ZBTB24: variants seen among roughly 807,000 people sequenced by gnomAD.
The protein encoded by ZBTB24 is zinc finger and BTB domain-containing protein 24.
Under a neutral mutation model 53.8 loss-of-function variants are expected in ZBTB24, and 32 were observed. That is an observed-to-expected ratio of 0.60 (90% CI 0.45 to 0.80). The LOEUF (loss-of-function observed/expected upper bound fraction) is 0.80. ZBTB24 is among the 30% of genes least tolerant of loss of function. The pLI is 0.00. For missense variants in ZBTB24, 722 were observed against 837.1 expected, an observed-to-expected ratio of 0.86 and a Z score of 1.70; for synonymous variants, 297 against 306.7, an observed-to-expected ratio of 0.97 and a Z score of 0.33.
At chr6:109,467,994 C>T (rs1331106966) in intron 5 of ZBTB24, among the ~76,000 whole-genome samples, 1 of 152,090 alleles carries the variant, frequency 6.6e-6, no homozygotes, top group Non-Finnish European at 1.5e-5. Context: ...AAAACTGCAA[C>T]AAGGAAGTGA....
chr6:109,470,031 T>C (rs1776133325), intron 5 of ZBTB24, among the ~76,000 whole-genome samples: 1 of 152,002 alleles, frequency 6.6e-6, no homozygotes, highest in African/African-American at 2.4e-5. Context: ...CTGGGAATGA[T>C]GAGGAGGGTG....
At position 109,476,800 on chromosome 6, in the gene ZBTB24, G is replaced by A. The variant is rs773260577; in HGVS notation, c.1083C>T (p.Thr361=). Residue 361 remains threonine (T), a synonymous_variant, in exon 3 of 7, where the codon ACC becomes ACT. Coordinates refer to ENST00000230122, the MANE Select transcript of ZBTB24 (RefSeq NM_014797.3). ...TCATGTGCTCCAGCAGTGAGTGCTT[G>A]GTGGTCAGAGCCTTGCTGCACACGG... is the stretch of plus-strand genomic sequence containing the variant. The part of the protein sequence containing the change: ...TCTVCSKALT[T]KHSLLEHMSL... 1.2e-6 allele frequency: 2 copies of A among 1,613,914 alleles called. No homozygotes were observed. The highest frequency in any genetic ancestry group is 1.7e-6 in the Non-Finnish European group (2 of 1,179,978).
chr6:109,477,004 AC>A, intron 2 of ZBTB24, 74 bp from the exon 3 acceptor site: 2 of 1,555,496 alleles, frequency 1.3e-6, no homozygotes, highest in African/African-American at 1.4e-5. Context: ...AATTAAAAAA[AC>A]AATAAAGGAT....
chr6:109,481,138 T>C lies in ZBTB24; in HGVS notation c.889A>G (p.Lys297Glu), dbSNP rs2115366344. ...KRPGGPEARC[K>E]DCGKVFKYNH... ...TACTTAAAGACCTTGCCACAGTCTT[T>C]ACAGCGGGCCTCAGGGCCTCCAGGG... Residue 297 changes from lysine to glutamate, a missense_variant, in exon 2 of 7, where the codon AAA (lysine) becomes GAA (glutamate). Transcript: ENST00000230122. 1.9e-6 allele frequency: 3 copies of C among 1,614,260 alleles called. No individual in the cohort carries two copies. The highest frequency in any genetic ancestry group is 2.5e-6 in the Non-Finnish European group (3 of 1,180,038).
chr6:109,468,517 T>C (rs1226507478), intron 5 of ZBTB24, among the ~76,000 whole-genome samples: 3 of 152,112 alleles, frequency 2.0e-5, no homozygotes, highest in Non-Finnish European at 4.4e-5. Context: ...CACATGTTAT[T>C]TTATCAGTGA....
At chr6:109,466,697 G>T in intron 6 of ZBTB24, 123 bp from the exon 7 acceptor site, 2 of 1,301,094 alleles carry the variant, frequency 1.5e-6, no homozygotes, top group Admixed American at 2.2e-5. Flanking sequence ...TAAGTCATGG[G>T]TTCACCTACT....
rs572068699 is a variant in ZBTB24 at position 109,483,117 on chromosome 6, C to G, written c.-48G>C. 5 of 152,214 alleles carry G rather than the reference C, an allele frequency of 3.3e-5. No individual in the cohort carries two copies. The East Asian group carries it at 9.7e-4, about 30-fold the overall frequency. 9.4% of individuals were successfully genotyped at this position (152,214 alleles called of 1,614,324 possible). A position where few individuals can be genotyped will look rare whatever the true frequency, so the allele number is the denominator to read the frequency against. ...ACTCACCCGGCGGCCTGGCGGGAGA[C>G]CCACGCCGGGGCCCGCTGGCCCTCC... On this transcript the variant is annotated 5_prime_UTR_variant, in exon 1 of 7. Transcript: ENST00000230122.
chr6:109,480,979 C>T (rs1776392724), intron 2 of ZBTB24, 96 bp downstream of exon 2: 3 of 1,557,830 alleles, frequency 1.9e-6, no homozygotes, highest in Middle Eastern at 1.7e-4. Flanking sequence ...TTACAATGCC[C>T]ATCACACAGA....
Position 109,466,534 on chromosome 6 carries a change from A to C in ZBTB24, c.1411T>G (p.Phe471Val), listed in dbSNP as rs1453422375. The C allele has an allele frequency of 6.2e-7, 1 of 1,613,478 alleles. No homozygotes were observed. Among genetic ancestry groups the C allele is most frequent in the Non-Finnish European group, 8.5e-7 (1 of 1,180,052 alleles). The change falls in exon 7 of 7, where the codon TTC becomes GTC. Residue 471 changes from phenylalanine (F) to valine (V), a missense_variant. Physicochemically the swap from Phe to Val is conservative, Grantham distance 50. Transcript: ENST00000230122. ...PYSCGICGKS[F>V]SDSSAKRRHC... Reference sequence around the variant, plus strand: ...CTCCTTTTGGCACTGGAGTCAGAGAAGGATTTGCCACAAATGCCACAGGAG... The same window carrying C: ...CTCCTTTTGGCACTGGAGTCAGAGACGGATTTGCCACAAATGCCACAGGAG...
At chr6:109,479,946 A>G (rs906151220) in intron 2 of ZBTB24, among the ~76,000 whole-genome samples, 1 of 151,394 alleles carries the variant, frequency 6.6e-6, no homozygotes, top group African/African-American at 2.4e-5. Context: ...AAAAAAAGCT[A>G]AAATATAACC....
rs1010953587 is a variant in ZBTB24, at chr6:109,464,251, A to G, written c.*1600T>C. ...TCATTTTGGAAGTTTTGTGAATTACATATAATAAAATATAGCTTAGCAAAT... is the reference window on the plus strand; with the variant it reads ...TCATTTTGGAAGTTTTGTGAATTACGTATAATAAAATATAGCTTAGCAAAT... On this transcript the variant is annotated 3_prime_UTR_variant, in exon 7 of 7. Coordinates refer to ENST00000230122, the MANE Select transcript of ZBTB24 (RefSeq NM_014797.3). 6.6e-6 allele frequency: 1 copy of G among 152,238 alleles called. No individual in the cohort carries two copies. The highest frequency in any genetic ancestry group is 6.5e-5 in the Admixed American group (1 of 15,284). 9.4% of individuals were successfully genotyped at this position (152,238 alleles called of 1,614,324 possible). A position where few individuals can be genotyped will look rare whatever the true frequency, so the allele number is the denominator to read the frequency against.
chr6:109,474,658 C>T (rs547034982), intron 5 of ZBTB24, among the ~76,000 whole-genome samples: 14 of 151,474 alleles, frequency 9.2e-5, no homozygotes, highest in African/African-American at 2.7e-4. Context: ...CACTTGAACC[C>T]GGGAGGCAGA....
chr6:109,472,237 C>A (rs1214843850), intron 5 of ZBTB24, among the ~76,000 whole-genome samples: 1 of 152,122 alleles, frequency 6.6e-6, no homozygotes, highest in Non-Finnish European at 1.5e-5. Context: ...ATGCTAGGGA[C>A]AGATGGGTCA....
intron 5 of ZBTB24, among the ~76,000 whole-genome samples, chr6:109,470,178 G>A (rs1192424514): frequency 6.6e-6 from 1 of 152,162 alleles, no homozygotes; most frequent in Admixed American, 6.5e-5. Context: ...TGTTACAAGA[G>A]GATTAGACAA....
Position 109,481,905 on chromosome 6 carries a change from A to G in ZBTB24, c.122T>C (p.Leu41Ser), listed in dbSNP as rs770845096. Residue 41 changes from leucine to serine, a missense_variant, in exon 2 of 7, where the codon TTA becomes TCA. Leu to Ser is a moderately radical substitution (Grantham distance 145, BLOSUM62 -2). Coordinates refer to ENST00000230122, the MANE Select transcript of ZBTB24 (RefSeq NM_014797.3). ...RKKGFLCDIT[L>S]IVENVHFRAH... ...CCGGAAATGTACATTCTCCACGATT[A>G]AAGTAATGTCACAGAGGAAGCCTTT... The G allele has an allele frequency of 6.2e-7, 1 of 1,614,200 alleles. No individual in the cohort carries two copies. Among genetic ancestry groups the G allele is most frequent in the Non-Finnish European group, 8.5e-7 (1 of 1,180,032 alleles).
chr6:109,481,032 C>G (rs769842489), intron 2 of ZBTB24, 43 bp downstream of exon 2: 3 of 1,606,444 alleles, frequency 1.9e-6, no homozygotes, highest in Non-Finnish European at 2.6e-6. Context: ...TCACTACTCC[C>G]AATTCTGCAA....
chr6:109,475,344 T>G, intron 5 of ZBTB24, 55 bp downstream of exon 5: 1 of 1,604,720 alleles, frequency 6.2e-7, no homozygotes, highest in South Asian at 1.1e-5. Flanking sequence ...ACTTCATTCT[T>G]CACTCTCCTG....
At chr6:109,478,863 G>A (rs1471940839) in intron 2 of ZBTB24, among the ~76,000 whole-genome samples, 2 of 151,574 alleles carry the variant, frequency 1.3e-5, no homozygotes, top group African/African-American at 4.9e-5. Context: ...CTCCAGTGAG[G>A]AAAATGTTGT....
intron 5 of ZBTB24, among the ~76,000 whole-genome samples, chr6:109,470,426 A>T (rs1477529689): frequency 2.6e-5 from 4 of 152,110 alleles, no homozygotes; most frequent in African/African-American, 9.7e-5. Flanking sequence ...ACCCTTCCCC[A>T]GTGACTTAAA....
Sources: gnomAD v4.1 joint callset for allele counts (sites outside exome capture counted in the v4.1 genomes callset) on GRCh38, gnomAD v4.1.1 for gene constraint, MANE v1.5 for transcripts, NCBI Gene and HGNC (gene_info 2026-07-23, HGNC 2026-07-21) for gene names.